FRMD4A: variants seen among roughly 807,000 people sequenced by gnomAD.
FRMD4A encodes the protein FERM domain-containing protein 4A.
In FRMD4A, 29 loss-of-function variants were observed where a neutral mutation model predicts 129.1. The ratio of observed to expected loss-of-function variants is 0.22; its 90% CI spans 0.17 to 0.31. The LOEUF (loss-of-function observed/expected upper bound fraction) is 0.31, where lower values mean the gene tolerates loss of function less well. FRMD4A is among the 10% of genes least tolerant of loss of function. The pLI, the probability that FRMD4A is intolerant of heterozygous loss-of-function variation, is 1.00. For missense variants in FRMD4A, 1,272 were observed against 1,375.8 expected, an observed-to-expected ratio of 0.92 and a Z score of 1.19; for synonymous variants, 634 against 571.6, an observed-to-expected ratio of 1.11 and a Z score of -1.56.
At chr10:13,809,035 C>T (rs529105706) in intron 4 of FRMD4A, among the ~76,000 whole-genome samples, 2 of 152,222 alleles carry the variant, frequency 1.3e-5, no homozygotes, top group Non-Finnish European at 2.9e-5. Flanking sequence ...CACAGAGAGC[C>T]AGGAGAACTC....
chr10:13,925,245 G>T (rs2095118092), intron 2 of FRMD4A, among the ~76,000 whole-genome samples: 1 of 152,120 alleles, frequency 6.6e-6, no homozygotes, highest in South Asian at 2.1e-4. Context: ...TTCACTGACT[G>T]CACCAATGGT....
chr10:13,927,475 C>A (rs1168413606), intron 2 of FRMD4A, among the ~76,000 whole-genome samples: 1 of 152,198 alleles, frequency 6.6e-6, no homozygotes, highest in Non-Finnish European at 1.5e-5. Flanking sequence ...TTTCTTACAG[C>A]ACTCAAGAAG....
At chr10:13,728,573 C>CTTTTTTTTTTTTTTTTTTTT (rs10706168) in intron 12 of FRMD4A, among the ~76,000 whole-genome samples, 1,356 of 78,290 alleles carry the variant, frequency 0.017, 293 homozygotes, top group Middle Eastern at 0.02. Flanking sequence ...GATTACCATT[C>CTTTTTTTTTTTTTTTTTTTT]TTTTTTTTTT....
chr10:14,150,455 T>A (rs948564284), intron 2 of FRMD4A, among the ~76,000 whole-genome samples: 1 of 152,204 alleles, frequency 6.6e-6, no homozygotes, highest in Non-Finnish European at 1.5e-5. Context: ...AATTGCTTAA[T>A]TTTTTGCATA....
At chr10:14,179,959 A>G (rs527243083) in intron 2 of FRMD4A, among the ~76,000 whole-genome samples, 1 of 152,306 alleles carries the variant, frequency 6.6e-6, no homozygotes, top group East Asian at 1.9e-4. Context: ...GCTTGAATCC[A>G]GGAGGCGGAG....
intron 12 of FRMD4A, among the ~76,000 whole-genome samples, chr10:13,722,064 A>G (rs1359520916): frequency 6.6e-6 from 1 of 152,160 alleles, no homozygotes; most frequent in African/African-American, 2.4e-5. Flanking sequence ...TCCAGGGGGT[A>G]CAGGGACCCC....
intron 2 of FRMD4A, among the ~76,000 whole-genome samples, chr10:14,206,648 C>CA (rs1160130713): frequency 6.7e-6 from 1 of 149,550 alleles, no homozygotes; most frequent in Non-Finnish European, 1.5e-5. Flanking sequence ...AAAATAAATA[C>CA]AAAAAAAAAT....
At chr10:13,695,681 G>C (rs746648330) in intron 14 of FRMD4A, among the ~76,000 whole-genome samples, 22 of 152,182 alleles carry the variant, frequency 1.4e-4, no homozygotes, top group Non-Finnish European at 2.8e-4. Context: ...GCACACACAC[G>C]GACTGGGCGA....
intron 2 of FRMD4A, among the ~76,000 whole-genome samples, chr10:13,987,017 T>C (rs1263290897): frequency 6.6e-6 from 1 of 152,192 alleles, no homozygotes. Flanking sequence ...GCTGATGTTC[T>C]GGCTATGTGA....
At chr10:13,974,675 C>T (rs749871140) in intron 2 of FRMD4A, among the ~76,000 whole-genome samples, 4 of 152,078 alleles carry the variant, frequency 2.6e-5, no homozygotes, top group Non-Finnish European at 5.9e-5. Context: ...TACAGGCACC[C>T]GCCACCATGC....
intron 2 of FRMD4A, among the ~76,000 whole-genome samples, chr10:13,900,316 G>A (rs1224842572): frequency 2.0e-5 from 3 of 151,876 alleles, no homozygotes; most frequent in African/African-American, 4.8e-5. Context: ...TTATAGTTTT[G>A]TTGTGTTCTC....
rs879512324 is a variant in FRMD4A at position 13,902,460 on chromosome 10, A to AGAGG, written c.46-43549_46-43548insCCTC. On this transcript the variant is annotated intron_variant, in intron 2 of 24. Coordinates refer to ENST00000357447, the MANE Select transcript of FRMD4A (RefSeq NM_018027.5). ...TTGATGGTTAGGCAAAATACTGGAG[A>AGAGG]GAGAGAGAGAGAGAGAGAGAGAGAG... 1.4e-3 allele frequency among the ~76,000 whole-genome samples: 210 copies of AGAGG among 148,516 alleles called. 1 individual carries two copies. The highest frequency in any genetic ancestry group is 5.2e-3 in the African/African-American group (201 of 38,874).
chr10:13,868,824 A>G (rs931831471), intron 2 of FRMD4A, among the ~76,000 whole-genome samples: 1 of 152,112 alleles, frequency 6.6e-6, no homozygotes, highest in Non-Finnish European at 1.5e-5. Flanking sequence ...AAACACATGC[A>G]GGTGTGTCCT....
At chr10:13,729,255 C>G (rs1484977893) in intron 12 of FRMD4A, 1 of 152,264 alleles carries the variant, frequency 6.6e-6, no homozygotes, top group Non-Finnish European at 1.5e-5. Flanking sequence ...GCTAAGAATG[C>G]TGAGTGCATT....
intron 2 of FRMD4A, among the ~76,000 whole-genome samples, chr10:13,886,514 G>T (rs1386755490): frequency 6.6e-6 from 1 of 152,198 alleles, no homozygotes; most frequent in Non-Finnish European, 1.5e-5. Context: ...TTTGACACAG[G>T]TGGGCCTAAC....
intron 12 of FRMD4A, among the ~76,000 whole-genome samples, chr10:13,730,531 G>A (rs1255454914): frequency 6.6e-6 from 1 of 152,072 alleles, no homozygotes; most frequent in African/African-American, 2.4e-5. Flanking sequence ...GACGAAACTT[G>A]GGATTTACCT....
intron 12 of FRMD4A, among the ~76,000 whole-genome samples, chr10:13,714,548 A>G (rs570117653): frequency 1.3e-5 from 2 of 152,132 alleles, no homozygotes; most frequent in South Asian, 4.1e-4. Context: ...TCTACTTTGT[A>G]CTGGACTGTT....
intron 15 of FRMD4A, among the ~76,000 whole-genome samples, chr10:13,691,363 T>C (rs1009087626): frequency 1.3e-5 from 2 of 152,212 alleles, no homozygotes; most frequent in African/African-American, 4.8e-5. Context: ...GCCTCATCTA[T>C]AGCTGCTATT....
rs532052139 is a variant in FRMD4A, at chr10:13,945,487, A to AT, written c.46-86576dup. 7.5e-4 allele frequency among the ~76,000 whole-genome samples: 114 copies of AT among 152,044 alleles called. 1 individual carries two copies. The East Asian group carries it at 8.1e-3, about 11-fold the overall frequency. ...AATTACCCTTGCTGGAAGTCTCAGGATTTTTTTCCTTGCAGTTTTTTTTTC... is the reference window on the plus strand; with the variant it reads ...AATTACCCTTGCTGGAAGTCTCAGGATTTTTTTTCCTTGCAGTTTTTTTTTC... On this transcript the variant is annotated intron_variant, in intron 2 of 24. Transcript: ENST00000357447.
Sources: gnomAD v4.1 joint callset for allele counts (sites outside exome capture counted in the v4.1 genomes callset) on GRCh38, gnomAD v4.1.1 for gene constraint, MANE v1.5 for transcripts, NCBI Gene and HGNC (gene_info 2026-07-23, HGNC 2026-07-21) for gene names.